RPA3: variants seen among roughly 807,000 people sequenced by gnomAD.
RPA3 encodes the protein replication protein A3.
In RPA3, 24 loss-of-function variants were observed where a neutral mutation model predicts 13.7. The ratio of observed to expected loss-of-function variants is 1.75; its 90% CI spans 1.27 to 2.46. The LOEUF is 2.46. RPA3 is among the 30% of genes most tolerant of loss of function. The probability of loss-of-function intolerance (pLI) is 0.00; values close to 1 mark genes in which losing one functional copy is unlikely to be tolerated. For missense variants in RPA3, 183 were observed against 151.0 expected (o/e 1.21, Z -1.11); for synonymous variants, 59 against 51.2 (o/e 1.15, Z -0.65).
intron 4 of RPA3, among the ~76,000 whole-genome samples, chr7:7,649,158 CAAAAAAAA>C (rs34943326): frequency 1.6e-5 from 2 of 128,874 alleles, no homozygotes; most frequent in African/African-American, 5.8e-5. Flanking sequence ...GACTCCATCT[CAAAAAAAA>C]AAAAAAAAAA....
intron 4 of RPA3, among the ~76,000 whole-genome samples, chr7:7,669,576 A>G (rs1779553963): frequency 6.6e-6 from 1 of 152,190 alleles, no homozygotes; most frequent in Non-Finnish European, 1.5e-5. Context: ...GGTTAGACTG[A>G]CCTTAGGTAC....
At chr7:7,702,983 C>T (rs1780500246) in intron 2 of RPA3, among the ~76,000 whole-genome samples, 2 of 152,166 alleles carry the variant, frequency 1.3e-5, no homozygotes, top group Non-Finnish European at 2.9e-5. Context: ...TTATCATGTG[C>T]TCCTTGAAGC....
rs1780487440 is a variant in RPA3, at chr7:7,702,571, G to C, written c.-1028+12604C>G. 2.6e-5 allele frequency among the ~76,000 whole-genome samples: 4 copies of C among 152,138 alleles called. No individual in the cohort carries two copies. The South Asian group carries it at 8.3e-4, about 32-fold the overall frequency. ...TCATGTCATTTTCTGTACTTTTCCT[G>C]ATACTTTTAAACATTGTTTTATTTT... is the stretch of plus-strand genomic sequence containing the variant. On this transcript the variant is annotated intron_variant, in intron 2 of 7. Coordinates refer to ENST00000223129, the MANE Select transcript of RPA3 (RefSeq NM_002947.5).
At chr7:7,702,401 A>G (rs996379713) in intron 2 of RPA3, among the ~76,000 whole-genome samples, 1 of 152,134 alleles carries the variant, frequency 6.6e-6, no homozygotes, top group Non-Finnish European at 1.5e-5. Flanking sequence ...TTTTAAATTG[A>G]TATTTTATGA....
rs369694701 is a variant in RPA3, at chr7:7,637,925, G to C, written c.222C>G (p.Thr74=). Residue 74 remains threonine (T), a synonymous_variant, in exon 7 of 8, where the codon ACC becomes ACG. Coordinates refer to ENST00000223129, the MANE Select transcript of RPA3 (RefSeq NM_002947.5). ...ATGTACACAAGATGGTGGCCTTGGC[G>C]GTTACTCTTCCAACCACTTCCACAA... is the stretch of plus-strand genomic sequence containing the variant. ...SGIVEVVGRV[T]AKATILCTSY... The C allele has an allele frequency of 1.7e-5, 28 of 1,613,604 alleles. 1 individual carries two copies. The highest frequency in any genetic ancestry group is 6.7e-5 in the East Asian group (3 of 44,762).
At chr7:7,692,748 T>C (rs1178366762) in intron 2 of RPA3, among the ~76,000 whole-genome samples, 1 of 152,128 alleles carries the variant, frequency 6.6e-6, no homozygotes. Flanking sequence ...TAGTTGGGAC[T>C]ACAGGCCTGC....
Position 7,640,440 on chromosome 7 carries a change from C to A in RPA3, c.-22G>T. Reference sequence around the variant, plus strand: ...CCATGATTATGGTCCAAGACTGCGGCTGGCGGGAAACCCACGGACGACTGA... The same window carrying A: ...CCATGATTATGGTCCAAGACTGCGGATGGCGGGAAACCCACGGACGACTGA... On this transcript the variant is annotated 5_prime_UTR_variant, in exon 5 of 8. Transcript: ENST00000223129. 1 of 1,611,180 alleles carries A rather than the reference C, an allele frequency of 6.2e-7. No individual in the cohort carries two copies. Among genetic ancestry groups the A allele is most frequent in the Non-Finnish European group, 8.5e-7 (1 of 1,178,120 alleles).
intron 4 of RPA3, among the ~76,000 whole-genome samples, chr7:7,653,038 CCCATG>C (rs1785259120): frequency 6.6e-6 from 1 of 152,190 alleles, no homozygotes; most frequent in Non-Finnish European, 1.5e-5. Context: ...GACCTCACAT[CCCATG>C]ACTTAATTCT....
At position 7,670,315 on chromosome 7, in the gene RPA3, CAT is replaced by C. The variant is rs1205322136; in HGVS notation, c.-758+15513_-758+15514del. ...GTCCTTCTGTTAAAAGACTGTTATT[CAT>C]ATGTTAGAAGAGGAGCCACTTCGTA... On this transcript the variant is annotated intron_variant, in intron 4 of 7. Coordinates refer to ENST00000223129, the MANE Select transcript of RPA3 (RefSeq NM_002947.5). Among the ~76,000 whole-genome samples, 12 of 152,228 alleles carry C rather than the reference CAT, an allele frequency of 7.9e-5. No individual in the cohort carries two copies. In the East Asian group the frequency reaches 2.3e-3, roughly 29 times the overall value.
chr7:7,696,199 G>C (rs779215498), intron 2 of RPA3, among the ~76,000 whole-genome samples: 21 of 150,626 alleles, frequency 1.4e-4, no homozygotes, highest in Middle Eastern at 6.8e-3. Context: ...AGAGATGGGG[G>C]TTTTGCCATG....
intron 2 of RPA3, among the ~76,000 whole-genome samples, chr7:7,696,543 C>T (rs1343469595): frequency 6.6e-6 from 1 of 152,088 alleles, no homozygotes; most frequent in Non-Finnish European, 1.5e-5. Flanking sequence ...GTCATTTGAT[C>T]CCAGGGAAGT....
At chr7:7,714,278 A>T (rs1344385623) in intron 2 of RPA3, among the ~76,000 whole-genome samples, 1 of 152,218 alleles carries the variant, frequency 6.6e-6, no homozygotes, top group Non-Finnish European at 1.5e-5. Flanking sequence ...AAATCCTTGG[A>T]TGTTGACAGC....
In RPA3 at chr7:7,640,720, T is replaced by A. The variant is rs970102099; in HGVS notation, c.-302A>T. 3.0e-6 allele frequency: 1 copy of A among 328,202 alleles called. No homozygotes were observed. The highest frequency in any genetic ancestry group is 5.7e-6 in the Non-Finnish European group (1 of 176,082). The allele number at this position is 328,202 out of a possible 1,614,324, so 20.3% of individuals were successfully genotyped here. A position where few individuals can be genotyped will look rare whatever the true frequency, so the allele number is the denominator to read the frequency against. Reference sequence around the variant, plus strand: ...CTTGGATAGGGGCGGAACCTGAGACTACCTTTCTGCGATCACAGGATTCCC... The same window carrying A: ...CTTGGATAGGGGCGGAACCTGAGACAACCTTTCTGCGATCACAGGATTCCC... On this transcript the variant is annotated 5_prime_UTR_variant, in exon 5 of 8. Coordinates refer to ENST00000223129, the MANE Select transcript of RPA3 (RefSeq NM_002947.5).
At chr7:7,717,453 A>AG (rs1440862925) in intron 1 of RPA3, among the ~76,000 whole-genome samples, 9 of 152,216 alleles carry the variant, frequency 5.9e-5, no homozygotes, top group African/African-American at 2.2e-4. Flanking sequence ...AACCTCAGGT[A>AG]TTTACCTCAG....
chr7:7,693,327 C>CTATCTATCTATT (rs1780224590), intron 2 of RPA3, among the ~76,000 whole-genome samples: 1 of 151,970 alleles, frequency 6.6e-6, no homozygotes, highest in Non-Finnish European at 1.5e-5. Context: ...ATCTATCTAT[C>CTATCTATCTATT]TATCTATCTA....
intron 2 of RPA3, among the ~76,000 whole-genome samples, chr7:7,711,004 A>G (rs1349172815): frequency 6.6e-6 from 1 of 152,210 alleles, no homozygotes; most frequent in Non-Finnish European, 1.5e-5. Flanking sequence ...TACACAAAAA[A>G]TAGAGAAATC....
At chr7:7,673,614 A>G (rs370529657) in intron 4 of RPA3, among the ~76,000 whole-genome samples, 1 of 152,336 alleles carries the variant, frequency 6.6e-6, no homozygotes, top group East Asian at 1.9e-4. Context: ...AAAGTCATCA[A>G]TTACTTGGAA....
chr7:7,651,206 T>C (rs568578312), intron 4 of RPA3, among the ~76,000 whole-genome samples: 2 of 152,286 alleles, frequency 1.3e-5, no homozygotes, highest in African/African-American at 4.8e-5. Flanking sequence ...AAAAATTACA[T>C]AGAAACCAGA....
chr7:7,690,619 G>T (rs959112370), intron 2 of RPA3, among the ~76,000 whole-genome samples: 3 of 152,054 alleles, frequency 2.0e-5, no homozygotes, highest in Non-Finnish European at 2.9e-5. Flanking sequence ...ATTCTAAACA[G>T]CCACATATGT....
Sources: gnomAD v4.1 joint callset for allele counts (sites outside exome capture counted in the v4.1 genomes callset) on GRCh38, gnomAD v4.1.1 for gene constraint, MANE v1.5 for transcripts, NCBI Gene and HGNC (gene_info 2026-07-23, HGNC 2026-07-21) for gene names.